The following OTUD7A variants were observed in gnomAD, a reference collection of about 807,000 sequenced individuals.
OTUD7A encodes OTU deubiquitinase 7A, also known as OTU domain-containing protein 7A.
A neutral mutation model predicts 65.7 loss-of-function variants in OTUD7A; 12 were observed. That is an observed-to-expected ratio of 0.18 (90% CI 0.12 to 0.30). The LOEUF (loss-of-function observed/expected upper bound fraction) is 0.30, where lower values mean the gene tolerates loss of function less well. Ranked by LOEUF, OTUD7A falls within the 10% of genes least tolerant of loss-of-function variation. The probability of loss-of-function intolerance (pLI) is 1.00; values close to 1 mark genes in which losing one functional copy is unlikely to be tolerated. For missense variants in OTUD7A, 1,148 were observed against 1,304.8 expected (o/e 0.88, Z 1.85); for synonymous variants, 641 against 586.3 (o/e 1.09, Z -1.35).
chr15:31,853,484 A>G (rs1184137491), intron 1 of OTUD7A, among the ~76,000 whole-genome samples: 8 of 152,194 alleles, frequency 5.3e-5, no homozygotes, highest in Non-Finnish European at 1.0e-4. Flanking sequence ...AGGAACAGAC[A>G]CAGAGAGCCA....
At chr15:31,526,189 C>T (rs75305397) in intron 8 of OTUD7A, among the ~76,000 whole-genome samples, 160 bp downstream of exon 8, 4,260 of 152,290 alleles carry the variant, frequency 0.028, 201 homozygotes, top group African/African-American at 0.097. Context: ...TCCTCCCGTG[C>T]GTCCTTGTCT....
chr15:31,652,303 A>T (rs1216594357), intron 3 of OTUD7A, among the ~76,000 whole-genome samples: 10 of 152,224 alleles, frequency 6.6e-5, no homozygotes, highest in Non-Finnish European at 1.3e-4. Flanking sequence ...ATAAAACTGA[A>T]TCTGGACCTA....
At chr15:31,604,169 C>G (rs947351970) in intron 3 of OTUD7A, among the ~76,000 whole-genome samples, 4 of 152,176 alleles carry the variant, frequency 2.6e-5, no homozygotes, top group African/African-American at 4.8e-5. Context: ...GCACTATTCA[C>G]AATAGCAAAG....
intron 5 of OTUD7A, chr15:31,556,229 C>T (rs1217247740): frequency 1.3e-5 from 2 of 152,182 alleles, no homozygotes; most frequent in Non-Finnish European, 2.9e-5. Context: ...TCTTCAGGCG[C>T]GAATTGCACC....
At chr15:31,854,618 G>A (rs1490345661) in intron 1 of OTUD7A, among the ~76,000 whole-genome samples, 2 of 152,074 alleles carry the variant, frequency 1.3e-5, no homozygotes, top group African/African-American at 4.8e-5. Flanking sequence ...ATTATATTGT[G>A]CCTATGCAGA....
At chr15:31,785,076 T>G (rs1895636677) in intron 1 of OTUD7A, among the ~76,000 whole-genome samples, 2 of 152,210 alleles carry the variant, frequency 1.3e-5, no homozygotes, top group African/African-American at 4.8e-5. Flanking sequence ...CTGATGCATC[T>G]AGACCCTGCA....
chr15:31,733,094 T>G (rs1418603280), intron 1 of OTUD7A, among the ~76,000 whole-genome samples: 5 of 152,126 alleles, frequency 3.3e-5, no homozygotes, highest in Admixed American at 2.0e-4. Context: ...CGAGTTTCAG[T>G]CCTGACTCAT....
intron 3 of OTUD7A, among the ~76,000 whole-genome samples, chr15:31,651,793 G>A (rs1037461530): frequency 3.9e-5 from 6 of 152,186 alleles, no homozygotes; most frequent in African/African-American, 1.2e-4. Flanking sequence ...AACAAAACAT[G>A]TATAGGATCT....
At chr15:31,492,761 C>T (rs573381301) in intron 10 of OTUD7A, among the ~76,000 whole-genome samples, 41 of 152,066 alleles carry the variant, frequency 2.7e-4, no homozygotes, top group Non-Finnish European at 3.1e-4. Context: ...GAAAAAAGAA[C>T]TCATACAGTA....
rs946603660 is a variant in OTUD7A at position 31,483,265 on chromosome 15, ACCTCGCCGCCCGCGCCGCG to A, written c.*10_*28del. The A allele has an allele frequency of 1.9e-6, 2 of 1,076,474 alleles. No individual in the cohort carries two copies. Among genetic ancestry groups the A allele is most frequent in the Non-Finnish European group, 2.2e-6 (2 of 890,778 alleles). The allele number at this position is 1,076,474 out of a possible 1,614,324, so 66.7% of individuals were successfully genotyped here. A position where few individuals can be genotyped will look rare whatever the true frequency, so the allele number is the denominator to read the frequency against. The stretch of plus-strand genomic sequence containing the variant: ...TGGAAAAGAAATCCTCGAAGGTAGA[ACCTCGCCGCCCGCGCCGCG>A]CCGCGCCGCTCAGGGCCGGGCCCCG... On this transcript the variant is annotated 3_prime_UTR_variant, in exon 13 of 13. Coordinates refer to ENST00000307050, the MANE Select transcript of OTUD7A (RefSeq NM_001382637.1).
intron 3 of OTUD7A, among the ~76,000 whole-genome samples, chr15:31,609,077 C>T (rs574299356): frequency 1.2e-4 from 19 of 152,140 alleles, no homozygotes; most frequent in South Asian, 2.1e-4. Flanking sequence ...GAGGAGGCAG[C>T]GGGAAAGGCC....
At chr15:31,750,457 C>T (rs938734204) in intron 1 of OTUD7A, among the ~76,000 whole-genome samples, 7 of 140,050 alleles carry the variant, frequency 5.0e-5, no homozygotes, top group Non-Finnish European at 7.7e-5. Context: ...AGATTTAACA[C>T]TATTGCTATC....
At chr15:31,844,249 G>A (rs1897250534) in intron 1 of OTUD7A, among the ~76,000 whole-genome samples, 1 of 152,246 alleles carries the variant, frequency 6.6e-6, no homozygotes, top group African/African-American at 2.4e-5. Flanking sequence ...GCTCATGCCT[G>A]TAATCCCAGC....
intron 1 of OTUD7A, among the ~76,000 whole-genome samples, chr15:31,827,512 G>C (rs1479014263): frequency 6.6e-6 from 1 of 152,230 alleles, no homozygotes; most frequent in African/African-American, 2.4e-5. Flanking sequence ...GAGCTAAACT[G>C]TATCATTTAC....
chr15:31,622,207 CATTTCA>C (rs1465258015), intron 3 of OTUD7A, among the ~76,000 whole-genome samples: 1 of 152,130 alleles, frequency 6.6e-6, no homozygotes, highest in Non-Finnish European at 1.5e-5. Flanking sequence ...TTTTTTCCTT[CATTTCA>C]ACTTTGGTGA....
intron 1 of OTUD7A, among the ~76,000 whole-genome samples, chr15:31,821,674 T>G (rs192912262): frequency 6.0e-4 from 92 of 152,292 alleles, no homozygotes; most frequent in African/African-American, 2.1e-3. Context: ...TATGTTTAAT[T>G]TTTTGAGCAA....
At chr15:31,691,872 C>CA (rs1892969554) in intron 1 of OTUD7A, among the ~76,000 whole-genome samples, 1 of 48,640 alleles carries the variant, frequency 2.1e-5, no homozygotes, top group Non-Finnish European at 5.0e-5. Context: ...AACTCAATAG[C>CA]AAAAAAACAA....
At chr15:31,602,827 G>C (rs1890121787) in intron 3 of OTUD7A, among the ~76,000 whole-genome samples, 1 of 151,998 alleles carries the variant, frequency 6.6e-6, no homozygotes, top group Non-Finnish European at 1.5e-5. Flanking sequence ...AATCATGAGT[G>C]AACTCCCATT....
chr15:31,863,110 C>T (rs933567794), intron 1 of OTUD7A, among the ~76,000 whole-genome samples: 3 of 152,208 alleles, frequency 2.0e-5, no homozygotes, highest in Non-Finnish European at 4.4e-5. Flanking sequence ...ATCCAGGTCA[C>T]GCTGATGCTA....
Sources: allele counts gnomAD v4.1 joint callset (sites outside exome capture counted in the v4.1 genomes callset), GRCh38; gene constraint gnomAD v4.1.1; transcripts MANE v1.5; gene names NCBI Gene and HGNC (gene_info 2026-07-23, HGNC 2026-07-21).